Variants in MYO5C observed in about 807,000 individuals in gnomAD.
MYO5C encodes myosin VC, also known as unconventional myosin-Vc.
MYO5C carries 194 observed loss-of-function variants against 235.7 expected under a neutral mutation model. The ratio of observed to expected loss-of-function variants is 0.82; its 90% confidence interval spans 0.73 to 0.93. MYO5C has a LOEUF of 0.93. Ranked by LOEUF, MYO5C falls within the 40% of genes least tolerant of loss-of-function variation. The probability of loss-of-function intolerance (pLI) is 0.00; values close to 1 mark genes in which losing one functional copy is unlikely to be tolerated. For missense variants in MYO5C, 2,038 were observed against 2,127.2 expected (o/e 0.96, Z 0.82); for synonymous variants, 707 against 754.8 (o/e 0.94, Z 1.04).
intron 24 of MYO5C, among the ~76,000 whole-genome samples, chr15:52,231,444 T>A (rs565320700): frequency 6.6e-6 from 1 of 152,332 alleles, no homozygotes; most frequent in Non-Finnish European, 1.5e-5. Flanking sequence ...CACTCCCAAG[T>A]GGTCCCTGCA....
rs1566972118 is a variant in MYO5C, at chr15:52,233,311, A to AAAATAAAT, written c.2963-634_2963-627dup. Among the ~76,000 whole-genome samples, 5 of 12,714 alleles carry AAAATAAAT rather than the reference A, an allele frequency of 3.9e-4. 1 individual carries two copies. Among genetic ancestry groups the AAAATAAAT allele is most frequent in the African/African-American group, 5.8e-4 (5 of 8,590 alleles). 8.3% of individuals were successfully genotyped at this position (12,714 alleles called of 152,430 possible). A position where few individuals can be genotyped will look rare whatever the true frequency, so the allele number is the denominator to read the frequency against. ...AAAAAAAAAAAATTAAAAAAAAAAAAAAATAAATAAATAAATAGAAACCCT... is the reference window on the plus strand; with the variant it reads ...AAAAAAAAAAAATTAAAAAAAAAAAAAAATAAATAAATAAATAAATAAATAGAAACCCT... On this transcript the variant is annotated intron_variant, in intron 23 of 40. Coordinates refer to ENST00000261839, the MANE Select transcript of MYO5C (RefSeq NM_018728.4).
intron 9 of MYO5C, 39 bp downstream of exon 9, chr15:52,264,151 C>G (rs368379687): frequency 1.1e-4 from 173 of 1,505,108 alleles, no homozygotes; most frequent in Non-Finnish European, 1.5e-4. Flanking sequence ...CCACTATGAC[C>G]CTTAGACAAA....
At chr15:52,200,414 A>G (rs1156510027) in intron 38 of MYO5C, among the ~76,000 whole-genome samples, 1 of 152,072 alleles carries the variant, frequency 6.6e-6, no homozygotes. Flanking sequence ...CTAAAAATGT[A>G]AAAATTAGCC....
In MYO5C at chr15:52,205,026, T is replaced by C; in HGVS notation, c.4659A>G (p.Gln1553=). The C allele has an allele frequency of 6.2e-7, 1 of 1,614,210 alleles. No homozygotes were observed. The highest frequency in any genetic ancestry group is 8.5e-7 in the Non-Finnish European group (1 of 1,180,026). Reference sequence around the variant, plus strand: ...TGGTGGTGTAAAAGTAGCTCAGCTGTTGCAGGACGGAGGTCATGGTGTAGC... The same window carrying C: ...TGGTGGTGTAAAAGTAGCTCAGCTGCTGCAGGACGGAGGTCATGGTGTAGC... ...TDGYTMTSVL[Q]QLSYFYTTMC... The change falls in exon 38 of 41, where the codon CAA becomes CAG. Residue 1553 remains glutamine (Q), a synonymous_variant. Transcript: ENST00000261839.
At chr15:52,260,799 T>A (rs1299670437) in intron 10 of MYO5C, 63 bp downstream of exon 10, 3 of 1,555,590 alleles carry the variant, frequency 1.9e-6, no homozygotes, top group Non-Finnish European at 2.6e-6. Flanking sequence ...CAAAATGATC[T>A]AAAAACCATG....
chr15:52,257,626 G>A (rs974519041), intron 10 of MYO5C, among the ~76,000 whole-genome samples: 1 of 152,188 alleles, frequency 6.6e-6, no homozygotes. Flanking sequence ...CAGCATTTAT[G>A]CACGTCACCT....
intron 38 of MYO5C, among the ~76,000 whole-genome samples, chr15:52,199,545 C>A (rs2035136344): frequency 7.0e-6 from 1 of 143,642 alleles, no homozygotes; most frequent in Non-Finnish European, 1.5e-5. Flanking sequence ...TATTCACTGG[C>A]CTCTACTCGC....
chr15:52,271,297 C>T (rs1327652031), intron 7 of MYO5C, among the ~76,000 whole-genome samples: 2 of 151,370 alleles, frequency 1.3e-5, no homozygotes, highest in Non-Finnish European at 2.9e-5. Flanking sequence ...GGCGTGATCT[C>T]GGCTCACTGC....
In MYO5C at chr15:52,223,727, A is replaced by G. The variant is rs1363513312; in HGVS notation, c.3447-3T>C. 2.5e-6 allele frequency: 4 copies of G among 1,611,356 alleles called. No individual in the cohort carries two copies. Among genetic ancestry groups the G allele is most frequent in the East Asian group, 2.2e-5 (1 of 44,848 alleles). ...ACTGGAAATGGCTCTCCAAAACACT[A>G]TTAAAGGAGGGGTCAAGAAATAAAC... is the stretch of plus-strand genomic sequence containing the variant. On this transcript the variant is annotated splice_polypyrimidine_tract_variant and splice_region_variant and intron_variant, in intron 28 of 40. Transcript: ENST00000261839.
At chr15:52,267,433 C>A (rs143655454) in intron 8 of MYO5C, among the ~76,000 whole-genome samples, 101 of 152,338 alleles carry the variant, frequency 6.6e-4, no homozygotes, top group African/African-American at 1.8e-3. Flanking sequence ...TGCCTGTAAT[C>A]CCAGCACTTT....
chr15:52,236,699 G>A (rs1162088061), intron 22 of MYO5C: 2 of 151,900 alleles, frequency 1.3e-5, no homozygotes, highest in East Asian at 1.9e-4. Flanking sequence ...AAAACAAAAT[G>A]CAGCAGAGTG....
At chr15:52,241,747 T>TGAGAGAGA (rs113008171) in intron 20 of MYO5C, among the ~76,000 whole-genome samples, 1 of 148,168 alleles carries the variant, frequency 6.7e-6, no homozygotes, top group Non-Finnish European at 1.5e-5. Context: ...TGTGTGTGTG[T>TGAGAGAGA]GTGTGAGAGA....
chr15:52,261,656 G>A (rs1596205510), intron 9 of MYO5C, among the ~76,000 whole-genome samples: 1 of 152,198 alleles, frequency 6.6e-6, no homozygotes, highest in African/African-American at 2.4e-5. Context: ...CAGCTGACAC[G>A]AGGGCTGGGG....
At chr15:52,265,188 T>C (rs1292064702) in intron 8 of MYO5C, 1 of 152,220 alleles carries the variant, frequency 6.6e-6, no homozygotes, top group African/African-American at 2.4e-5. Flanking sequence ...CTACATACCA[T>C]ATTCAGTCAC....
In MYO5C at chr15:52,218,653, C is replaced by T. The variant is rs1389257717; in HGVS notation, c.3820G>A (p.Glu1274Lys). ...LEAQNEIHTK[E>K]KEKLIDKIQE... ...ATCTTATCAATCAGCTTCTCCTTCT[C>T]TTTGGTATGTATTTCATTTTGGGCT... The change falls in exon 32 of 41, where the codon GAG becomes AAG. Residue 1274 changes from glutamate (E) to lysine (K), a missense_variant. Physicochemically the swap from Glu to Lys is moderately conservative, Grantham distance 56. Coordinates refer to ENST00000261839, the MANE Select transcript of MYO5C (RefSeq NM_018728.4). 3 of 1,614,048 alleles carry T rather than the reference C, an allele frequency of 1.9e-6. No individual in the cohort carries two copies. Among genetic ancestry groups the T allele is most frequent in the Admixed American group, 1.7e-5 (1 of 60,004 alleles).
intron 1 of MYO5C, among the ~76,000 whole-genome samples, chr15:52,288,262 A>C (rs1325124780): frequency 1.3e-5 from 2 of 152,258 alleles, no homozygotes; most frequent in African/African-American, 2.4e-5. Flanking sequence ...GTATTAGTTA[A>C]GCGAATCTGG....
intron 10 of MYO5C, among the ~76,000 whole-genome samples, chr15:52,257,266 C>T (rs1426834823): frequency 6.6e-6 from 1 of 152,228 alleles, no homozygotes; most frequent in African/African-American, 2.4e-5. Context: ...AAAGTCATTT[C>T]ATATCCTACA....
chr15:52,209,776 G>A (rs187072134), intron 35 of MYO5C, among the ~76,000 whole-genome samples: 27 of 152,244 alleles, frequency 1.8e-4, no homozygotes, highest in African/African-American at 6.5e-4. Flanking sequence ...CAAAAACACT[G>A]TGGTGGCTCC....
chr15:52,293,420 C>A (rs1566998832), intron 1 of MYO5C, among the ~76,000 whole-genome samples: 3 of 152,278 alleles, frequency 2.0e-5, no homozygotes, highest in East Asian at 3.9e-4. Context: ...CTCGGCAGGG[C>A]CCATCCCCTC....
Sources: allele counts gnomAD v4.1 joint callset (sites outside exome capture counted in the v4.1 genomes callset), GRCh38; gene constraint gnomAD v4.1.1; transcripts MANE v1.5; gene names NCBI Gene and HGNC (gene_info 2026-07-23, HGNC 2026-07-21).